The following USP25 variants were observed in gnomAD, a reference collection of about 807,000 sequenced individuals.
USP25 encodes ubiquitin specific peptidase 25, also known as ubiquitin carboxyl-terminal hydrolase 25.
A neutral mutation model predicts 158.5 loss-of-function variants in USP25; 85 were observed. The ratio of observed to expected loss-of-function variants is 0.54; its 90% CI spans 0.45 to 0.64. USP25 has a LOEUF of 0.64. Ranked by LOEUF, USP25 falls within the 30% of genes least tolerant of loss-of-function variation. The probability of loss-of-function intolerance (pLI) is 0.00; values close to 1 mark genes in which losing one functional copy is unlikely to be tolerated. For synonymous variants in USP25, 464 were observed against 460.4 expected (o/e 1.01, Z -0.10); for missense variants, 1,242 against 1,327.3 (o/e 0.94, Z 1.00).
intron 1 of USP25, among the ~76,000 whole-genome samples, chr21:15,745,497 C>T (rs1458478517): frequency 2.0e-4 from 17 of 83,450 alleles, no homozygotes; most frequent in African/African-American, 7.7e-4. Flanking sequence ...TTTTTTGTGA[C>T]GGAATTTCAC....
chr21:15,778,903 C>A (rs1399886153), intron 4 of USP25, among the ~76,000 whole-genome samples: 1 of 152,096 alleles, frequency 6.6e-6, no homozygotes, highest in East Asian at 1.9e-4. Flanking sequence ...CTTAAATGTT[C>A]TTTTCCTTTA....
intron 5 of USP25, among the ~76,000 whole-genome samples, 186 bp downstream of exon 5, chr21:15,791,850 A>G (rs1279585806): frequency 6.6e-6 from 1 of 151,810 alleles, no homozygotes; most frequent in Non-Finnish European, 1.5e-5. Flanking sequence ...CATTTCTAGT[A>G]TGTATTTTTT....
chr21:15,731,071 A>T (rs1473809363), intron 1 of USP25, among the ~76,000 whole-genome samples: 2 of 138,024 alleles, frequency 1.4e-5, no homozygotes, highest in Non-Finnish European at 3.0e-5. Context: ...TTTGTCCCCT[A>T]AGTTTGACCT....
chr21:15,742,105 TC>T (rs1295505664), intron 1 of USP25, among the ~76,000 whole-genome samples: 16 of 144,690 alleles, frequency 1.1e-4, no homozygotes, highest in African/African-American at 4.3e-4. Context: ...GAAAGATACT[TC>T]CTTTTTTTTT....
intron 6 of USP25, among the ~76,000 whole-genome samples, chr21:15,804,126 T>C (rs2036262220): frequency 6.6e-6 from 1 of 152,010 alleles, no homozygotes; most frequent in Non-Finnish European, 1.5e-5. Flanking sequence ...TTTTTAAAAT[T>C]TCCTTCTTGT....
chr21:15,845,759 A>G (rs2038553080), intron 18 of USP25, among the ~76,000 whole-genome samples: 1 of 152,060 alleles, frequency 6.6e-6, no homozygotes. Flanking sequence ...TTCTGAATTT[A>G]CCTGTTTATA....
At chr21:15,775,503 G>GA (rs2034587893) in intron 3 of USP25, among the ~76,000 whole-genome samples, 1 of 152,158 alleles carries the variant, frequency 6.6e-6, no homozygotes, top group Non-Finnish European at 1.5e-5. Flanking sequence ...CGGCCTCTTG[G>GA]ACTACTGAGT....
At chr21:15,872,465 T>A (rs897679029) in intron 23 of USP25, among the ~76,000 whole-genome samples, 1 of 152,190 alleles carries the variant, frequency 6.6e-6, no homozygotes, top group Non-Finnish European at 1.5e-5. Context: ...AGGAGAGATC[T>A]TCTTAACAGG....
chr21:15,762,351 A>G (rs757885182), intron 1 of USP25, among the ~76,000 whole-genome samples: 2 of 152,106 alleles, frequency 1.3e-5, no homozygotes, highest in African/African-American at 2.4e-5. Flanking sequence ...AATGCAGTCA[A>G]TTTTATAGGC....
rs777388141 is a variant in USP25 at position 15,826,238 on chromosome 21, C to G, written c.1339C>G (p.Pro447Ala). ...LSYGSGPKRF[P>A]LVDVLQYALE... The stretch of plus-strand genomic sequence containing the variant: ...CTATGGTTCCGGTCCCAAACGATTC[C>G]CCTTGGTAGATGTTCTTCAGTATGC... The change falls in exon 13 of 26, where the codon CCC becomes GCC. Residue 447 changes from proline to alanine, a missense_variant. Pro to Ala is a conservative substitution (Grantham distance 27). Coordinates refer to ENST00000400183, the MANE Select transcript of USP25 (RefSeq NM_001283041.3). This position sits in a 1 kb window ranked among gnomAD's most constrained non-coding sequence, Gnocchi z 4.8. The G allele has an allele frequency of 6.2e-7, 1 of 1,613,922 alleles. No homozygotes were observed. The highest frequency in any genetic ancestry group is 8.5e-7 in the Non-Finnish European group (1 of 1,179,904).
intron 1 of USP25, among the ~76,000 whole-genome samples, chr21:15,738,092 C>G (rs2031695079): frequency 6.6e-6 from 1 of 152,146 alleles, no homozygotes; most frequent in Non-Finnish European, 1.5e-5. Context: ...AGTTAATGCT[C>G]TCTTCTACTG....
intron 10 of USP25, among the ~76,000 whole-genome samples, chr21:15,820,959 A>G (rs1407760679): frequency 2.0e-5 from 3 of 152,030 alleles, no homozygotes; most frequent in Non-Finnish European, 4.4e-5. Context: ...AAACATGATT[A>G]TATCCAAAAT....
At chr21:15,825,546 G>T (rs1483088010) in intron 12 of USP25, among the ~76,000 whole-genome samples, 1 of 152,186 alleles carries the variant, frequency 6.6e-6, no homozygotes, top group East Asian at 1.9e-4. Flanking sequence ...TTCCATACCA[G>T]TGGATGGTAC....
intron 1 of USP25, chr21:15,744,162 A>T (rs779744787): frequency 2.6e-4 from 40 of 152,726 alleles, no homozygotes; most frequent in Non-Finnish European, 5.0e-4. Context: ...TAGGGGTTTC[A>T]GGCCTTTGGG....
intron 1 of USP25, among the ~76,000 whole-genome samples, chr21:15,742,228 G>A (rs2032127889): frequency 6.6e-6 from 1 of 151,978 alleles, no homozygotes; most frequent in Non-Finnish European, 1.5e-5. Flanking sequence ...CTGGAAATGG[G>A]TGGTGTGTGG....
At chr21:15,873,005 A>G (rs1176909814) in intron 23 of USP25, among the ~76,000 whole-genome samples, 1 of 152,148 alleles carries the variant, frequency 6.6e-6, no homozygotes, top group Non-Finnish European at 1.5e-5. Context: ...TTTTTATTTC[A>G]GTTATACAAA....
At chr21:15,737,556 G>T (rs984070729) in intron 1 of USP25, among the ~76,000 whole-genome samples, 2 of 151,532 alleles carry the variant, frequency 1.3e-5, no homozygotes, top group East Asian at 1.9e-4. Flanking sequence ...TTGATTTATT[G>T]CATCTATATC....
intron 6 of USP25, 89 bp downstream of exon 6, chr21:15,799,932 C>G: frequency 1.4e-6 from 1 of 730,888 alleles, no homozygotes; most frequent in Non-Finnish European, 2.1e-6. Flanking sequence ...CTTGGCTCAT[C>G]AAATCTGAAA....
intron 12 of USP25, 37 bp downstream of exon 12, chr21:15,825,098 A>G: frequency 6.8e-7 from 1 of 1,465,510 alleles, no homozygotes; most frequent in Non-Finnish European, 9.3e-7. Flanking sequence ...GATAATTATC[A>G]GAAACCATGT....
Sources: gnomAD v4.1 joint callset for allele counts (sites outside exome capture counted in the v4.1 genomes callset) on GRCh38, gnomAD v4.1.1 for gene constraint, Gnocchi (gnomAD v3.1) non-coding constraint, MANE v1.5 for transcripts, NCBI Gene and HGNC (gene_info 2026-07-23, HGNC 2026-07-21) for gene names.